Variants in CCND3 observed in about 807,000 individuals in gnomAD.
CCND3 encodes the protein cyclin D3, also known as G1/S-specific cyclin-D3.
CCND3 carries 9 observed loss-of-function variants against 28.7 expected under a neutral mutation model. That is an observed-to-expected ratio of 0.31 (90% confidence interval 0.19 to 0.55). The LOEUF (loss-of-function observed/expected upper bound fraction) is 0.55. Among genes scored for constraint, CCND3 ranks in the 20% least tolerant of loss-of-function variants. The pLI, the probability that CCND3 is intolerant of heterozygous loss-of-function variation, is 0.93. For missense variants in CCND3, 315 were observed against 385.8 expected, an observed-to-expected ratio of 0.82 and a Z score of 1.54; for synonymous variants, 164 against 163.9, an observed-to-expected ratio of 1.00 and a Z score of 0.00.
Position 41,936,786 on chromosome 6 carries a change from G to T in CCND3, c.575-91C>A. ...CCGACTCCTTGGAAAGTGCCAGGCA[G>T]CATGAGTAGAGCAGAGGACATGCTG... is the stretch of plus-strand genomic sequence containing the variant. On this transcript the variant is annotated intron_variant, in intron 3 of 4. Transcript: ENST00000372991. The surrounding 1 kb of genome is among the most constrained non-coding windows in gnomAD (Gnocchi z 4.4). The T allele has an allele frequency of 7.2e-7, 1 of 1,384,724 alleles. No individual in the cohort carries two copies. Among genetic ancestry groups the T allele is most frequent in the Non-Finnish European group, 1.0e-6 (1 of 999,034 alleles). The allele number at this position is 1,384,724 out of a possible 1,614,324, so 85.8% of individuals were successfully genotyped here.
intron 1 of CCND3, among the ~76,000 whole-genome samples, chr6:42,024,214 T>C (rs1763798626): frequency 6.6e-6 from 1 of 151,916 alleles, no homozygotes; most frequent in African/African-American, 2.4e-5. Flanking sequence ...CCATCCTGGC[T>C]AACATGGTGA....
intron 1 of CCND3, among the ~76,000 whole-genome samples, chr6:42,041,922 T>A (rs1764382776): frequency 6.6e-6 from 1 of 152,144 alleles, no homozygotes; most frequent in African/African-American, 2.4e-5. Context: ...CTGCTCCGGC[T>A]TCCTTTCCCA....
In CCND3 at chr6:42,044,782, C is replaced by T. The variant is rs1373396874; in HGVS notation, c.-46+3719G>A. On this transcript the variant is annotated intron_variant, in intron 1 of 4. Transcript: ENST00000372988. ...ATCTTTTCTTTCTTTTCTTTCTTTC[C>T]TTTTATTTATTTATTTATTTATTTG... is the stretch of plus-strand genomic sequence containing the variant. Among the ~76,000 whole-genome samples the T allele has an allele frequency of 6.1e-4, 38 of 62,396 alleles. No homozygotes were observed. In the East Asian group the frequency reaches 8.9e-3, roughly 15 times the overall value. 40.9% of individuals were successfully genotyped at this position (62,396 alleles called of 152,430 possible). A position where few individuals can be genotyped will look rare whatever the true frequency, so the allele number is the denominator to read the frequency against.
Position 41,958,000 on chromosome 6 carries a change from C to CT in CCND3, c.-45-17416dup, listed in dbSNP as rs536258560. Among the ~76,000 whole-genome samples the CT allele has an allele frequency of 1.1e-3, 140 of 127,002 alleles. 5 individuals carry two copies. The highest frequency in any genetic ancestry group is 4.0e-3 in the Middle Eastern group (1 of 252). The allele number at this position is 127,002 out of a possible 152,430, so 83.3% of individuals were successfully genotyped here. A position where few individuals can be genotyped will look rare whatever the true frequency, so the allele number is the denominator to read the frequency against. ...AAACTTTACCTTACTTTATCTTTATCTTTTTTTTTTTTTTTTGAGACAGAA... is the reference window on the plus strand; with the variant it reads ...AAACTTTACCTTACTTTATCTTTATCTTTTTTTTTTTTTTTTTGAGACAGAA... On this transcript the variant is annotated intron_variant, in intron 1 of 4. Coordinates refer to the CCND3 transcript ENST00000372988.
intron 1 of CCND3, among the ~76,000 whole-genome samples, chr6:41,975,830 G>GAA (rs1449302562): frequency 6.6e-6 from 1 of 151,498 alleles, no homozygotes; most frequent in African/African-American, 2.4e-5. Flanking sequence ...GCCTTGATTG[G>GAA]AAGCCATTCT....
At chr6:42,036,403 A>ATATATATATATATTTT (rs57619585) in intron 1 of CCND3, among the ~76,000 whole-genome samples, 2 of 31,318 alleles carry the variant, frequency 6.4e-5, no homozygotes, top group Non-Finnish European at 1.0e-4. Flanking sequence ...ATATATATAT[A>ATATATATATATATTTT]TTTTTTTTTT....
At chr6:42,013,943 G>A (rs2127429202) in intron 1 of CCND3, among the ~76,000 whole-genome samples, 1 of 152,212 alleles carries the variant, frequency 6.6e-6, no homozygotes, top group South Asian at 2.1e-4. Flanking sequence ...GTGGTGGTGT[G>A]CGCCTGTAGT....
chr6:41,956,834 C>T (rs959250107), intron 1 of CCND3, among the ~76,000 whole-genome samples: 14 of 151,964 alleles, frequency 9.2e-5, no homozygotes, highest in African/African-American at 3.4e-4. Flanking sequence ...CGAGACCATC[C>T]TGGCTAACAC....
chr6:41,995,082 A>C (rs113565514), intron 1 of CCND3, among the ~76,000 whole-genome samples: 7,499 of 152,146 alleles, frequency 0.049, 335 homozygotes, highest in African/African-American at 0.11. Context: ...AAAAATAGAT[A>C]AACAAAAATA....
chr6:41,971,338 G>A (rs140129530), intron 1 of CCND3, among the ~76,000 whole-genome samples: 1 of 151,978 alleles, frequency 6.6e-6, no homozygotes. Context: ...GCCTAGACTG[G>A]ACTTGAACTC....
intron 1 of CCND3, among the ~76,000 whole-genome samples, chr6:41,996,609 G>A (rs758713370): frequency 6.0e-5 from 9 of 151,168 alleles, no homozygotes; most frequent in African/African-American, 2.2e-4. Flanking sequence ...AGTTTATAGT[G>A]TATTTATTAC....
In CCND3 at chr6:42,036,308, A is replaced by T. The variant is rs181301039; in HGVS notation, c.-46+12193T>A. ...ATGCCTGGCCTAAAAATTATTATTT[A>T]TATATATATATATATAAAATATATA... On this transcript the variant is annotated intron_variant, in intron 1 of 4. Coordinates refer to the CCND3 transcript ENST00000372988. Among the ~76,000 whole-genome samples, 930 of 133,600 alleles carry T rather than the reference A, an allele frequency of 7.0e-3. 21 individuals carry two copies. Among genetic ancestry groups the T allele is most frequent in the African/African-American group, 0.022 (800 of 36,040 alleles). 87.6% of individuals were successfully genotyped at this position (133,600 alleles called of 152,430 possible).
At chr6:42,045,855 A>G (rs1764526143) in intron 1 of CCND3, among the ~76,000 whole-genome samples, 1 of 152,220 alleles carries the variant, frequency 6.6e-6, no homozygotes, top group South Asian at 2.1e-4. Context: ...TGGTTTTTCA[A>G]GAGTACAACC....
intron 1 of CCND3, among the ~76,000 whole-genome samples, chr6:42,023,329 T>A (rs1168630643): frequency 6.6e-6 from 1 of 152,228 alleles, no homozygotes; most frequent in Non-Finnish European, 1.5e-5. Flanking sequence ...GATGACTGTA[T>A]GCGCCTTACA....
At chr6:41,962,971 T>C (rs1180328371) in intron 1 of CCND3, among the ~76,000 whole-genome samples, 3 of 152,112 alleles carry the variant, frequency 2.0e-5, no homozygotes, top group African/African-American at 4.8e-5. Flanking sequence ...CAGGATGGTC[T>C]CAATCTCTTG....
At chr6:41,984,330 T>C (rs901976476) in intron 1 of CCND3, among the ~76,000 whole-genome samples, 1 of 152,072 alleles carries the variant, frequency 6.6e-6, no homozygotes, top group African/African-American at 2.4e-5. Context: ...CTGGATCATA[T>C]GGTAGTTCTG....
intron 1 of CCND3, among the ~76,000 whole-genome samples, chr6:41,983,746 T>G (rs764596316): frequency 1.4e-4 from 21 of 152,170 alleles, no homozygotes; most frequent in Middle Eastern, 3.4e-3. Flanking sequence ...TGCGGGAAGC[T>G]CAGGTAGGAG....
chr6:41,974,255 T>C (rs72853828), intron 1 of CCND3, among the ~76,000 whole-genome samples: 24,456 of 152,226 alleles, frequency 0.16, 2,513 homozygotes, highest in Middle Eastern at 0.33. Flanking sequence ...CGTGCACCCA[T>C]ACCCCACTTC....
chr6:41,961,691 C>T (rs1761720933), intron 1 of CCND3, among the ~76,000 whole-genome samples: 1 of 152,140 alleles, frequency 6.6e-6, no homozygotes, highest in African/African-American at 2.4e-5. Flanking sequence ...TCTGCTCATA[C>T]ACCTCCTCTA....
Sources: allele counts gnomAD v4.1 joint callset (sites outside exome capture counted in the v4.1 genomes callset), GRCh38; gene constraint gnomAD v4.1.1; non-coding constraint Gnocchi (gnomAD v3.1); transcripts MANE v1.5; gene names NCBI Gene and HGNC (gene_info 2026-07-23, HGNC 2026-07-21).